FBXL5: variants seen among roughly 807,000 people sequenced by gnomAD.
The protein encoded by FBXL5 is F-box/LRR-repeat protein 5.
Under a neutral mutation model 78.3 loss-of-function variants are expected in FBXL5, and 26 were observed. That is an observed-to-expected ratio of 0.33 (90% CI 0.24 to 0.46). The LOEUF (loss-of-function observed/expected upper bound fraction) is 0.46, where lower values mean the gene tolerates loss of function less well. Among genes scored for constraint, FBXL5 ranks in the 20% least tolerant of loss-of-function variants. The pLI is 1.00. For missense variants in FBXL5, 710 were observed against 829.2 expected (o/e 0.86, Z 1.77); for synonymous variants, 295 against 282.5 (o/e 1.04, Z -0.45).
intron 1 of FBXL5, among the ~76,000 whole-genome samples, chr4:15,670,914 CTTTTTTT>C (rs57312794): frequency 7.4e-5 from 4 of 54,142 alleles, no homozygotes; most frequent in Non-Finnish European, 9.4e-5. Context: ...TGTGCGTAGA[CTTTTTTT>C]TTTTTTTTTT....
At chr4:15,666,164 C>A (rs1249934665) in intron 1 of FBXL5, among the ~76,000 whole-genome samples, 1 of 152,022 alleles carries the variant, frequency 6.6e-6, no homozygotes, top group African/African-American at 2.4e-5. Context: ...CTTGGGAGGC[C>A]AAGGCAGTAG....
At chr4:15,677,996 G>T (rs763239020) in intron 1 of FBXL5, among the ~76,000 whole-genome samples, 1 of 152,150 alleles carries the variant, frequency 6.6e-6, no homozygotes, top group Non-Finnish European at 1.5e-5. Context: ...TGCATTGTAG[G>T]ACATTCAGCT....
chr4:15,625,421 A>G lies in FBXL5; in HGVS notation c.1681T>C (p.Ser561Pro), dbSNP rs1204909628. 2.5e-6 allele frequency: 4 copies of G among 1,614,038 alleles called. No individual in the cohort carries two copies. The highest frequency in any genetic ancestry group is 1.1e-5 in the South Asian group (1 of 91,080). The change falls in exon 9 of 11, where the codon TCA (serine) becomes CCA (proline). Residue 561 changes from serine to proline, a missense_variant. By Grantham distance (74) the Ser-to-Pro change is moderately conservative. Transcript: ENST00000341285. ...CCTGTALRTM[S>P]SLPESSAMCR... ...ATTGCAGAAGATTCTGGGAGTGATG[A>G]CATAGTTCTTAAAGCTGTTCCTGTA...
chr4:15,613,717 A>G (rs908575397), intron 9 of FBXL5, among the ~76,000 whole-genome samples: 2 of 151,784 alleles, frequency 1.3e-5, no homozygotes, highest in Non-Finnish European at 2.9e-5. Flanking sequence ...GTTCAATTCT[A>G]TTGTCAAGAC....
Position 15,612,852 on chromosome 4 carries a change from G to T in FBXL5, c.1851-438C>A, listed in dbSNP as rs554059278. On this transcript the variant is annotated intron_variant, in intron 9 of 10. Coordinates refer to ENST00000341285, the MANE Select transcript of FBXL5 (RefSeq NM_012161.4). The stretch of plus-strand genomic sequence containing the variant: ...TATGATCCAGCAATTCCTGTCCCAG[G>T]TATATACCCAAGAGAATTAAAACCA... Among the ~76,000 whole-genome samples the T allele has an allele frequency of 3.0e-3, 457 of 152,186 alleles. 2 individuals are homozygous for T. The highest frequency in any genetic ancestry group is 0.01 in the African/African-American group (431 of 41,526).
upstream of FBXL5, chr4:15,655,496 C>G (rs1716811244): frequency 3.6e-6 from 2 of 555,814 alleles, no homozygotes; most frequent in Non-Finnish European, 2.3e-6. Flanking sequence ...CGCGCAGAGG[C>G]TCGCGGCTTC....
chr4:15,675,193 A>T (rs1717938939), intron 1 of FBXL5, among the ~76,000 whole-genome samples: 1 of 152,044 alleles, frequency 6.6e-6, no homozygotes. Context: ...GAGGAAAGCT[A>T]CCTCCCTCTA....
chr4:15,610,024 A>G (rs1207983737), intron 10 of FBXL5, among the ~76,000 whole-genome samples: 4 of 152,070 alleles, frequency 2.6e-5, no homozygotes, highest in Non-Finnish European at 5.9e-5. Context: ...TCACTTTCAA[A>G]TATTTGAAAT....
intron 3 of FBXL5, among the ~76,000 whole-genome samples, chr4:15,640,349 C>G (rs935057514): frequency 1.6e-5 from 2 of 125,044 alleles, no homozygotes; most frequent in African/African-American, 5.9e-5. Flanking sequence ...CCAGCCAAGA[C>G]TAATACATTT....
intron 9 of FBXL5, among the ~76,000 whole-genome samples, chr4:15,613,863 T>C (rs1028248333): frequency 2.6e-5 from 4 of 152,176 alleles, no homozygotes; most frequent in African/African-American, 9.7e-5. Context: ...TTTTATTTCT[T>C]TAAGTTTCTA....
chr4:15,661,168 A>G (rs1353293441), upstream of FBXL5, among the ~76,000 whole-genome samples: 1 of 152,166 alleles, frequency 6.6e-6, no homozygotes, highest in East Asian at 1.9e-4. Flanking sequence ...ACTTTCCCTA[A>G]AATGTCTCTA....
intron 1 of FBXL5, among the ~76,000 whole-genome samples, chr4:15,666,303 G>A (rs772555894): frequency 2.6e-5 from 4 of 152,136 alleles, no homozygotes; most frequent in Non-Finnish European, 5.9e-5. Flanking sequence ...GGAGGCTGAG[G>A]TGGGAAGATT....
At chr4:15,638,736 G>A (rs371952494) in intron 3 of FBXL5, 42 bp from the exon 4 acceptor site, 44 of 1,273,170 alleles carry the variant, frequency 3.5e-5, no homozygotes, top group African/African-American at 1.2e-4. Context: ...TGCTTCATTC[G>A]TGTTGATTTA....
At position 15,680,463 on chromosome 4, in the gene FBXL5, G is replaced by A. The variant is rs1272016043; in HGVS notation, c.-284+920C>T. ...AAGTGGGTGGATCACCTGAGGTCAG[G>A]AGTTCGAGACCAGCCTGGCCAAAAT... On this transcript the variant is annotated intron_variant, in intron 1 of 4. Coordinates refer to the FBXL5 transcript ENST00000507899. 9.9e-5 allele frequency among the ~76,000 whole-genome samples: 15 copies of A among 152,276 alleles called. No individual in the cohort carries two copies. In the East Asian group the frequency reaches 2.9e-3, roughly 29 times the overall value.
At chr4:15,679,265 G>A (rs1718109883) in intron 1 of FBXL5, among the ~76,000 whole-genome samples, 1 of 151,946 alleles carries the variant, frequency 6.6e-6, no homozygotes, top group South Asian at 2.1e-4. Context: ...GTTTCACCAT[G>A]TTGGTCAGGA....
chr4:15,666,807 C>G (rs1029887106), intron 1 of FBXL5, among the ~76,000 whole-genome samples: 8 of 151,642 alleles, frequency 5.3e-5, no homozygotes, highest in Non-Finnish European at 8.8e-5. Context: ...GGTGACAGAG[C>G]TGCTACCTGT....
chr4:15,646,147 C>T (rs1715326440), intron 1 of FBXL5, among the ~76,000 whole-genome samples: 1 of 152,178 alleles, frequency 6.6e-6, no homozygotes, highest in Non-Finnish European at 1.5e-5. Flanking sequence ...AGTTGTAGCA[C>T]AAAAGTAGTC....
At chr4:15,671,009 C>A (rs922737122) in intron 1 of FBXL5, among the ~76,000 whole-genome samples, 1 of 150,056 alleles carries the variant, frequency 6.7e-6, no homozygotes, top group Non-Finnish European at 1.5e-5. Context: ...CTATAACCTC[C>A]GCCTCCTGGG....
At chr4:15,609,467 T>G (rs944775787) in intron 10 of FBXL5, among the ~76,000 whole-genome samples, 6 of 152,074 alleles carry the variant, frequency 3.9e-5, no homozygotes, top group East Asian at 3.8e-4. Context: ...TCACTTACCT[T>G]TAATTCCTCT....
Sources: allele counts gnomAD v4.1 joint callset (sites outside exome capture counted in the v4.1 genomes callset), GRCh38; gene constraint gnomAD v4.1.1; transcripts MANE v1.5; gene names NCBI Gene and HGNC (gene_info 2026-07-23, HGNC 2026-07-21).